The following PTAFR variants were observed in gnomAD, a reference collection of about 807,000 sequenced individuals.
PTAFR encodes platelet-activating factor receptor.
A neutral mutation model predicts 14.7 loss-of-function variants in PTAFR; 8 were observed. That is an observed-to-expected ratio of 0.54 (90% CI 0.32 to 0.98). The LOEUF is 0.98. Ranked by LOEUF, PTAFR falls within the 50% of genes least tolerant of loss-of-function variation. PTAFR has a pLI of 0.04. For synonymous variants in PTAFR, 156 were observed against 176.5 expected (o/e 0.88, Z 0.92); for missense variants, 337 against 451.2 (o/e 0.75, Z 2.29).
At chr1:28,171,620 C>T (rs1176308658) in intron 1 of PTAFR, among the ~76,000 whole-genome samples, 2 of 152,116 alleles carry the variant, frequency 1.3e-5, no homozygotes, top group Admixed American at 6.5e-5. Flanking sequence ...CAATTCCCAG[C>T]GCAAGGGACC....
At chr1:28,165,784 GA>G (rs909267520) in intron 1 of PTAFR, among the ~76,000 whole-genome samples, 38 of 147,510 alleles carry the variant, frequency 2.6e-4, no homozygotes, top group Non-Finnish European at 3.0e-4. Context: ...CTCTGTCTAG[GA>G]AAAAAAAAAA....
intron 1 of PTAFR, among the ~76,000 whole-genome samples, chr1:28,154,684 C>T (rs1646242156): frequency 6.6e-6 from 1 of 151,452 alleles, no homozygotes; most frequent in Admixed American, 6.6e-5. Flanking sequence ...TGGTGGTGGG[C>T]ACTTGTAATC....
At chr1:28,154,430 G>C (rs949868457) in intron 1 of PTAFR, among the ~76,000 whole-genome samples, 57 of 152,196 alleles carry the variant, frequency 3.7e-4, no homozygotes, top group African/African-American at 1.3e-3. Flanking sequence ...CACCCAGCAA[G>C]GGGGCCCTGA....
intron 1 of PTAFR, among the ~76,000 whole-genome samples, chr1:28,172,990 C>T (rs1237286641): frequency 2.0e-5 from 3 of 149,920 alleles, no homozygotes; most frequent in African/African-American, 7.4e-5. Flanking sequence ...GTAGTGCAGG[C>T]TGGGTGCAGT....
Position 28,191,203 on chromosome 1 carries a change from G to A in PTAFR, c.-39+2519C>T, listed in dbSNP as rs571882120. Reference sequence around the variant, plus strand: ...ACTCAGAGATGTGGCCAGGCCTCGCGGGGGAGGCCTGACAGGGAGAACAAT... The same window carrying A: ...ACTCAGAGATGTGGCCAGGCCTCGCAGGGGAGGCCTGACAGGGAGAACAAT... On this transcript the variant is annotated intron_variant, in intron 1 of 1. Coordinates refer to the PTAFR transcript ENST00000305392. Among the ~76,000 whole-genome samples the A allele has an allele frequency of 1.6e-4, 24 of 152,274 alleles. No individual in the cohort carries two copies. The Middle Eastern group carries it at 0.01, about 65-fold the overall frequency.
At position 28,150,037 on chromosome 1, in the gene PTAFR, C is replaced by G. The variant is rs920402422; in HGVS notation, c.985G>C (p.Val329Leu). The G allele has an allele frequency of 1.2e-6, 2 of 1,614,106 alleles. No homozygotes were observed. Among genetic ancestry groups the G allele is most frequent in the Middle Eastern group, 3.3e-4 (2 of 6,062 alleles). Residue 329 changes from valine to leucine, a missense_variant, in exon 2 of 2, where the codon GTT (valine) becomes CTT (leucine). Coordinates refer to ENST00000373857, the MANE Select transcript of PTAFR (RefSeq NM_000952.5). The surrounding 1 kb of genome is among the most constrained non-coding windows in gnomAD (Gnocchi z 6.3). The stretch of plus-strand genomic sequence containing the variant: ...CCAGGGATCTGGTTGAATGGCACAA[C>G]CACTTCAGTGACCGTATCCGTGGTG... ...RATTDTVTEV[V>L]VPFNQIPGNS...
At chr1:28,161,191 G>A (rs1646318739) in intron 1 of PTAFR, among the ~76,000 whole-genome samples, 1 of 152,148 alleles carries the variant, frequency 6.6e-6, no homozygotes, top group African/African-American at 2.4e-5. Flanking sequence ...CTGGTTAAGT[G>A]CCCATTCTTT....
chr1:28,154,855 C>T (rs1239859808), intron 1 of PTAFR, among the ~76,000 whole-genome samples: 3 of 147,366 alleles, frequency 2.0e-5, no homozygotes, highest in East Asian at 2.0e-4. Context: ...GAGGGCAGCA[C>T]GGATATTGAG....
At chr1:28,169,012 A>G (rs919978421) in intron 1 of PTAFR, among the ~76,000 whole-genome samples, 2 of 152,148 alleles carry the variant, frequency 1.3e-5, no homozygotes, top group Non-Finnish European at 2.9e-5. Context: ...TAAAAAAAGA[A>G]AAGAAAAGAA....
chr1:28,151,052 G>T lies in PTAFR; in HGVS notation c.-31C>A, dbSNP rs1256708282. ...TGGGCTGGAATGATCAGCTGGTCCT[G>T]GTGGTGCCTGGAAGACCACACAAAA... On this transcript the variant is annotated 5_prime_UTR_variant, in exon 2 of 2. Transcript: ENST00000373857. 3.3e-6 allele frequency: 5 copies of T among 1,521,460 alleles called. No individual in the cohort carries two copies. Among genetic ancestry groups the T allele is most frequent in the Non-Finnish European group, 4.4e-6 (5 of 1,129,538 alleles). 94.2% of individuals were successfully genotyped at this position (1,521,460 alleles called of 1,614,324 possible).
chr1:28,178,498 T>C (rs1014366636), upstream of PTAFR, among the ~76,000 whole-genome samples: 2 of 151,976 alleles, frequency 1.3e-5, no homozygotes, highest in African/African-American at 2.4e-5. Flanking sequence ...TGACCTCCAA[T>C]GATCTGCCCA....
chr1:28,188,788 A>T (rs547435017), intron 1 of PTAFR, among the ~76,000 whole-genome samples: 3 of 152,328 alleles, frequency 2.0e-5, no homozygotes, highest in Admixed American at 2.0e-4. Flanking sequence ...TATTTGCAAC[A>T]TATATAACAA....
upstream of PTAFR, among the ~76,000 whole-genome samples, chr1:28,177,630 C>G (rs1646528777): frequency 6.6e-6 from 1 of 152,196 alleles, no homozygotes; most frequent in South Asian, 2.1e-4. Flanking sequence ...GTTCTATATT[C>G]TGGACTTGGT....
chr1:28,157,418 C>T (rs1646276658), intron 1 of PTAFR, among the ~76,000 whole-genome samples: 1 of 152,152 alleles, frequency 6.6e-6, no homozygotes, highest in East Asian at 1.9e-4. Context: ...CCGCCCGCCT[C>T]GGCCTCCTAA....
intron 1 of PTAFR, among the ~76,000 whole-genome samples, chr1:28,174,174 C>T (rs1163608110): frequency 6.6e-6 from 1 of 152,104 alleles, no homozygotes; most frequent in Non-Finnish European, 1.5e-5. Context: ...GCAGCAGGGT[C>T]CCAGCACTTG....
chr1:28,148,982 A>T lies in PTAFR; in HGVS notation c.*1011T>A. 1 of 152,252 alleles carries T rather than the reference A, an allele frequency of 6.6e-6. No individual in the cohort carries two copies. The highest frequency in any genetic ancestry group is 1.5e-5 in the Non-Finnish European group (1 of 68,058). 9.4% of individuals were successfully genotyped at this position (152,252 alleles called of 1,614,324 possible). On this transcript the variant is annotated 3_prime_UTR_variant, in exon 2 of 2. Transcript: ENST00000373857. Reference sequence around the variant, plus strand: ...GGACTATTGTTGAGACAGAAAGAGGAGGTGGGCATCTCCTTCCCACTCCCC... The same window carrying T: ...GGACTATTGTTGAGACAGAAAGAGGTGGTGGGCATCTCCTTCCCACTCCCC...
intron 1 of PTAFR, among the ~76,000 whole-genome samples, chr1:28,184,418 G>A (rs1001726861): frequency 3.3e-5 from 5 of 152,020 alleles, no homozygotes; most frequent in South Asian, 2.1e-4. Flanking sequence ...ACAGCAACGC[G>A]GTTGAACTAT....
chr1:28,156,156 G>C (rs187014798), intron 1 of PTAFR, among the ~76,000 whole-genome samples: 1 of 151,700 alleles, frequency 6.6e-6, no homozygotes, highest in African/African-American at 2.4e-5. Flanking sequence ...CCAGCTACTC[G>C]GGAGGTTAAG....
intron 1 of PTAFR, among the ~76,000 whole-genome samples, chr1:28,166,404 G>A (rs1646385239): frequency 6.6e-6 from 1 of 152,128 alleles, no homozygotes; most frequent in Admixed American, 6.6e-5. Flanking sequence ...GGGTGTGGTG[G>A]TTCACGCCTG....
Sources: gnomAD v4.1 joint callset for allele counts (sites outside exome capture counted in the v4.1 genomes callset) on GRCh38, gnomAD v4.1.1 for gene constraint, Gnocchi (gnomAD v3.1) non-coding constraint, MANE v1.5 for transcripts, NCBI Gene and HGNC (gene_info 2026-07-23, HGNC 2026-07-21) for gene names.